Variants in NRXN1 observed in about 807,000 individuals in gnomAD.
NRXN1 encodes neurexin 1.
In NRXN1, 39 loss-of-function variants were observed where a neutral mutation model predicts 150.9. The observed-to-expected ratio is 0.26, with a 90% CI of 0.20 to 0.34. The LOEUF is 0.34. Among genes scored for constraint, NRXN1 ranks in the 10% least tolerant of loss-of-function variants. The pLI, the probability that NRXN1 is intolerant of heterozygous loss-of-function variation, is 1.00. For missense variants in NRXN1, 1,815 were observed against 1,949.9 expected (o/e 0.93, Z 1.30); for synonymous variants, 924 against 757.0 (o/e 1.22, Z -3.62).
chr2:50,869,104 T>C (rs74752178), intron 5 of NRXN1, among the ~76,000 whole-genome samples: 8,176 of 151,868 alleles, frequency 0.054, 258 homozygotes, highest in Non-Finnish European at 0.072. Context: ...CTTTTTTAAA[T>C]TCATGTGATA....
rs150501425 is a variant in NRXN1, at chr2:50,680,346, A to G, written c.833-56731T>C. The stretch of plus-strand genomic sequence containing the variant: ...TACCCAAGCCACTCTCAAGCATCCT[A>G]CAGAGACCTATGAAGGATGAGTTCT... On this transcript the variant is annotated intron_variant, in intron 5 of 22. Coordinates refer to ENST00000401669, the MANE Select transcript of NRXN1 (RefSeq NM_001330078.2). Among the ~76,000 whole-genome samples the G allele has an allele frequency of 2.4e-3, 362 of 152,230 alleles. 2 individuals carry two copies. Among genetic ancestry groups the G allele is most frequent in the African/African-American group, 8.1e-3 (338 of 41,540 alleles).
chr2:50,609,665 T>C (rs912217171), intron 8 of NRXN1, among the ~76,000 whole-genome samples: 15 of 152,072 alleles, frequency 9.9e-5, no homozygotes, highest in African/African-American at 3.6e-4. Context: ...CCATTCATCT[T>C]AACTAATTTA....
At chr2:50,181,110 G>T (rs920859966) in intron 18 of NRXN1, among the ~76,000 whole-genome samples, 1 of 151,852 alleles carries the variant, frequency 6.6e-6, no homozygotes, top group Non-Finnish European at 1.5e-5. Context: ...TCACAATAAC[G>T]TATTAGAGCT....
At chr2:50,296,137 G>C (rs1574972557) in intron 17 of NRXN1, among the ~76,000 whole-genome samples, 1 of 152,166 alleles carries the variant, frequency 6.6e-6, no homozygotes, top group Non-Finnish European at 1.5e-5. Context: ...GAATGCTTAG[G>C]TTTCACGCCT....
chr2:50,889,498 G>C (rs573371011), intron 5 of NRXN1, among the ~76,000 whole-genome samples: 9 of 151,848 alleles, frequency 5.9e-5, no homozygotes, highest in African/African-American at 2.2e-4. Context: ...AACCATGTCT[G>C]ATGGCAGCTT....
intron 18 of NRXN1, among the ~76,000 whole-genome samples, chr2:50,140,887 T>C (rs1324718926): frequency 2.6e-5 from 4 of 152,030 alleles, no homozygotes; most frequent in Admixed American, 6.6e-5. Context: ...TCTGCATATA[T>C]ATGTGTTCGT....
intron 2 of NRXN1, among the ~76,000 whole-genome samples, chr2:50,996,021 G>A (rs1699232161): frequency 6.6e-6 from 1 of 152,054 alleles, no homozygotes; most frequent in Admixed American, 6.6e-5. Context: ...ATATTATGGA[G>A]GGGAAAAGTC....
chr2:50,564,477 C>T (rs1016766928), intron 8 of NRXN1, among the ~76,000 whole-genome samples: 3 of 152,156 alleles, frequency 2.0e-5, no homozygotes, highest in East Asian at 1.9e-4. Flanking sequence ...TGGAACTCTA[C>T]ATTTTGACTT....
intron 18 of NRXN1, among the ~76,000 whole-genome samples, chr2:50,216,120 C>T (rs1361766527): frequency 1.3e-5 from 2 of 151,920 alleles, no homozygotes; most frequent in Non-Finnish European, 2.9e-5. Flanking sequence ...CTTAGGGAGG[C>T]TGAGGCAGGA....
rs939683089 is a variant in NRXN1, at chr2:50,647,713, C to T, written c.833-24098G>A. On this transcript the variant is annotated intron_variant, in intron 5 of 22. Coordinates refer to ENST00000401669, the MANE Select transcript of NRXN1 (RefSeq NM_001330078.2). ...AATTTGTATACCAGGATGTTCATTA[C>T]AGCCTTAAAATTCAGGAAAGTTTGT... Among the ~76,000 whole-genome samples, 5 of 151,912 alleles carry T rather than the reference C, an allele frequency of 3.3e-5. No individual in the cohort carries two copies. The East Asian group carries it at 7.8e-4, about 24-fold the overall frequency.
chr2:50,098,843 T>A (rs1255941752), intron 18 of NRXN1, among the ~76,000 whole-genome samples: 8 of 9,030 alleles, frequency 8.9e-4, no homozygotes, highest in African/African-American at 3.3e-3. Context: ...TTTTTTTTTT[T>A]TTTTTTTTTT....
intron 19 of NRXN1, among the ~76,000 whole-genome samples, chr2:50,067,633 GC>G (rs1159589381): frequency 2.0e-5 from 3 of 152,156 alleles, no homozygotes; most frequent in Non-Finnish European, 4.4e-5. Flanking sequence ...GTTATTTTGT[GC>G]CAGTTGTGTA....
intron 17 of NRXN1, among the ~76,000 whole-genome samples, chr2:50,352,020 C>T (rs764739070): frequency 2.6e-5 from 4 of 152,158 alleles, no homozygotes; most frequent in South Asian, 2.1e-4. Context: ...CTCTTGGAAA[C>T]GGGGTTCACA....
intron 8 of NRXN1, among the ~76,000 whole-genome samples, chr2:50,570,295 T>C (rs1670470038): frequency 6.6e-6 from 1 of 152,002 alleles, no homozygotes; most frequent in South Asian, 2.1e-4. Context: ...AGAAATCCAG[T>C]GGAAGTAAAG....
intron 17 of NRXN1, among the ~76,000 whole-genome samples, chr2:50,402,672 A>G (rs112713727): frequency 0.012 from 1,886 of 152,124 alleles, 44 homozygotes; most frequent in African/African-American, 0.041. Context: ...TTTTTTGTCT[A>G]TTTCTTTTTA....
chr2:50,490,982 C>T (rs2091221671), intron 15 of NRXN1, among the ~76,000 whole-genome samples: 1 of 151,990 alleles, frequency 6.6e-6, no homozygotes, highest in South Asian at 2.1e-4. Context: ...ACAGCAACAA[C>T]AAGAAACTAA....
intron 13 of NRXN1, among the ~76,000 whole-genome samples, chr2:50,504,882 C>A (rs1352703892): frequency 6.6e-6 from 1 of 152,170 alleles, no homozygotes; most frequent in African/African-American, 2.4e-5. Context: ...CTAGCCCCAC[C>A]AGCATCATTC....
At chr2:50,582,335 C>A (rs1672392915) in intron 8 of NRXN1, among the ~76,000 whole-genome samples, 1 of 151,738 alleles carries the variant, frequency 6.6e-6, no homozygotes, top group East Asian at 1.9e-4. Flanking sequence ...CCAGCCTGGG[C>A]AGCATGCCAA....
intron 16 of NRXN1, among the ~76,000 whole-genome samples, chr2:50,469,610 T>C (rs1038896651): frequency 3.3e-5 from 5 of 151,412 alleles, no homozygotes; most frequent in African/African-American, 1.2e-4. Context: ...AAAAAATGTG[T>C]GAATCTCATC....
Sources: allele counts gnomAD v4.1 joint callset (sites outside exome capture counted in the v4.1 genomes callset), GRCh38; gene constraint gnomAD v4.1.1; transcripts MANE v1.5; gene names NCBI Gene and HGNC (gene_info 2026-07-23, HGNC 2026-07-21).